The following ADTRP variants were observed in gnomAD, a reference collection of about 807,000 sequenced individuals.
ADTRP encodes androgen dependent TFPI regulating protein, also known as androgen-dependent TFPI-regulating protein.
Under a neutral mutation model 27.0 loss-of-function variants are expected in ADTRP, and 20 were observed. The ratio of observed to expected loss-of-function variants is 0.74; its 90% CI spans 0.52 to 1.08. The LOEUF (loss-of-function observed/expected upper bound fraction) is 1.08. Ranked by LOEUF, ADTRP falls within the 50% of genes least tolerant of loss-of-function variation. ADTRP has a pLI of 0.00. For synonymous variants in ADTRP, 101 were observed against 105.2 expected, an observed-to-expected ratio of 0.96 and a Z score of 0.25; for missense variants, 251 against 275.0, an observed-to-expected ratio of 0.91 and a Z score of 0.62.
chr6:11,763,468 GTTC>G (rs149994055), intron 3 of ADTRP, among the ~76,000 whole-genome samples: 2,161 of 152,320 alleles, frequency 0.014, 58 homozygotes, highest in African/African-American at 0.049. Context: ...GAAGGCAATT[GTTC>G]TTCTACTGTG....
chr6:11,758,585 G>GT (rs1354742132), intron 3 of ADTRP, among the ~76,000 whole-genome samples: 1 of 123,874 alleles, frequency 8.1e-6, no homozygotes, highest in African/African-American at 3.0e-5. Flanking sequence ...TGGGGGGGGG[G>GT]GACGGATAGC....
intron 1 of ADTRP, among the ~76,000 whole-genome samples, chr6:11,774,738 G>A (rs1299237938): frequency 6.6e-6 from 1 of 152,200 alleles, no homozygotes; most frequent in Non-Finnish European, 1.5e-5. Flanking sequence ...TTTAAAAAGA[G>A]GAAACCCTAA....
chr6:11,724,322 C>T (rs975349809), intron 4 of ADTRP, among the ~76,000 whole-genome samples: 7 of 152,086 alleles, frequency 4.6e-5, no homozygotes, highest in Admixed American at 3.9e-4. Context: ...GCGTTATTGC[C>T]CTAACACAAT....
intron 4 of ADTRP, among the ~76,000 whole-genome samples, chr6:11,727,181 C>T (rs1186717426): frequency 6.6e-6 from 1 of 152,092 alleles, no homozygotes; most frequent in Non-Finnish European, 1.5e-5. Flanking sequence ...GCCACCATGC[C>T]CAGCTAATTT....
chr6:11,737,067 T>A (rs1295364959), intron 3 of ADTRP, among the ~76,000 whole-genome samples: 1 of 151,260 alleles, frequency 6.6e-6, no homozygotes, highest in African/African-American at 2.4e-5. Flanking sequence ...ATGCAAAGAC[T>A]GCTGCAGCCT....
At chr6:11,771,490 C>T (rs576428905) in intron 1 of ADTRP, among the ~76,000 whole-genome samples, 1 of 152,288 alleles carries the variant, frequency 6.6e-6, no homozygotes, top group Non-Finnish European at 1.5e-5. Flanking sequence ...GGGAGGCTTC[C>T]AGGAGGGCAG....
At chr6:11,733,749 G>C (rs1681570943) in intron 4 of ADTRP, among the ~76,000 whole-genome samples, 2 of 152,132 alleles carry the variant, frequency 1.3e-5, no homozygotes, top group South Asian at 4.2e-4. Context: ...CTTGTACCTG[G>C]CTCCCATCCT....
chr6:11,766,246 G>A (rs1561772029), intron 3 of ADTRP, 28 bp downstream of exon 3: 2 of 1,544,004 alleles, frequency 1.3e-6, no homozygotes, highest in East Asian at 4.5e-5. Context: ...TTGGTGTTCT[G>A]AGTTCACTGA....
At chr6:11,723,221 G>A in intron 5 of ADTRP, 128 bp downstream of exon 5, 2 of 1,311,500 alleles carry the variant, frequency 1.5e-6, no homozygotes, top group South Asian at 2.8e-5. Context: ...ACCTGTCTGA[G>A]TACTTTGGAC....
At chr6:11,770,685 C>A (rs1436658682) in intron 1 of ADTRP, among the ~76,000 whole-genome samples, 1 of 152,164 alleles carries the variant, frequency 6.6e-6, no homozygotes, top group African/African-American at 2.4e-5. Context: ...TAATACTTCT[C>A]ATTATTGCTG....
chr6:11,768,547 T>C lies in ADTRP; in HGVS notation c.154-164A>G, dbSNP rs78088607. Among the ~76,000 whole-genome samples, 1,035 of 152,300 alleles carry C rather than the reference T, an allele frequency of 6.8e-3. 27 individuals are homozygous for C. Among genetic ancestry groups the C allele is most frequent in the Admixed American group, 0.045 (687 of 15,294 alleles). On this transcript the variant is annotated intron_variant, in intron 1 of 5. Transcript: ENST00000414691. Reference sequence around the variant, plus strand: ...ATTCAAGGGCTGGGCTTCCAGCTCATTGGGTCCTGACCCTGCTCGCTAAGA... The same window carrying C: ...ATTCAAGGGCTGGGCTTCCAGCTCACTGGGTCCTGACCCTGCTCGCTAAGA...
At chr6:11,752,318 C>T (rs2294424) in intron 3 of ADTRP, among the ~76,000 whole-genome samples, 47,037 of 151,710 alleles carry the variant, frequency 0.31, 9,035 homozygotes, top group East Asian at 0.66. Flanking sequence ...TGGCCAGAAA[C>T]GAAATCACTC....
intron 3 of ADTRP, among the ~76,000 whole-genome samples, chr6:11,750,242 G>A (rs1488434086): frequency 6.6e-6 from 1 of 152,194 alleles, no homozygotes; most frequent in Non-Finnish European, 1.5e-5. Context: ...TGCAGGCCTG[G>A]GACAGACCTG....
At position 11,749,143 on chromosome 6, in the gene ADTRP, T is replaced by G. The variant is rs146656126; in HGVS notation, c.391-13460A>C. Among the ~76,000 whole-genome samples, 32 of 152,278 alleles carry G rather than the reference T, an allele frequency of 2.1e-4. No homozygotes were observed. In the East Asian group the frequency reaches 6.2e-3, roughly 29 times the overall value. On this transcript the variant is annotated intron_variant, in intron 3 of 5. Coordinates refer to ENST00000414691, the MANE Select transcript of ADTRP (RefSeq NM_032744.4). ...AAGTGAACAGATTTGCTACCTATTCTGGAGGTAGAATGGATGAGAGTAGCT... is the reference window on the plus strand; with the variant it reads ...AAGTGAACAGATTTGCTACCTATTCGGGAGGTAGAATGGATGAGAGTAGCT...
At chr6:11,755,330 T>C (rs1763181748) in intron 3 of ADTRP, among the ~76,000 whole-genome samples, 1 of 152,226 alleles carries the variant, frequency 6.6e-6, no homozygotes, top group African/African-American at 2.4e-5. Context: ...TAATGGAATT[T>C]TAAAAATATG....
rs542879913 is a variant in ADTRP at position 11,735,659 on chromosome 6, A to T, written c.415T>A (p.Leu139Met). Residue 139 changes from leucine (L) to methionine (M), a missense_variant, in exon 4 of 6, where the codon TTG (leucine) becomes ATG (methionine). Leu to Met is a conservative substitution (Grantham distance 15). Coordinates refer to ENST00000414691, the MANE Select transcript of ADTRP (RefSeq NM_032744.4). ...AMHTFIFPIT[L>M]AEVVLRPHSY... ...TGAGGCCTGAGGACGACTTCAGCCAATGTGATGGGGAATATGAAAGTGTGC... is the reference window on the plus strand; with the variant it reads ...TGAGGCCTGAGGACGACTTCAGCCATTGTGATGGGGAATATGAAAGTGTGC... The T allele has an allele frequency of 1.9e-6, 3 of 1,613,704 alleles. No individual in the cohort carries two copies. In the South Asian group the frequency reaches 3.3e-5, roughly 18 times the overall value.
At chr6:11,722,659 G>C (rs910802940) in intron 5 of ADTRP, among the ~76,000 whole-genome samples, 2 of 152,138 alleles carry the variant, frequency 1.3e-5, no homozygotes, top group African/African-American at 4.8e-5. Flanking sequence ...GAGAGAGGAA[G>C]CAGGAAGGAG....
chr6:11,739,250 G>A (rs1390440873), intron 3 of ADTRP, among the ~76,000 whole-genome samples: 1 of 152,152 alleles, frequency 6.6e-6, no homozygotes. Context: ...CTCAGAGGGG[G>A]TAAAATATTT....
intron 3 of ADTRP, among the ~76,000 whole-genome samples, chr6:11,749,532 G>C (rs1762973599): frequency 6.6e-6 from 1 of 152,120 alleles, no homozygotes; most frequent in South Asian, 2.1e-4. Flanking sequence ...GCAAAGCAGA[G>C]GTCCCATGGG....
Sources: gnomAD v4.1 joint callset for allele counts (sites outside exome capture counted in the v4.1 genomes callset) on GRCh38, gnomAD v4.1.1 for gene constraint, MANE v1.5 for transcripts, NCBI Gene and HGNC (gene_info 2026-07-23, HGNC 2026-07-21) for gene names.